Variants in SVOP observed in about 807,000 individuals in gnomAD.
SVOP encodes the protein SV2 related protein.
Under a neutral mutation model 69.1 loss-of-function variants are expected in SVOP, and 17 were observed. That is an observed-to-expected ratio of 0.25 (90% CI 0.17 to 0.37). The LOEUF (loss-of-function observed/expected upper bound fraction) is 0.37, where lower values mean the gene tolerates loss of function less well. SVOP is among the 10% of genes least tolerant of loss of function. The pLI is 1.00. For synonymous variants in SVOP, 238 were observed against 238.6 expected (o/e 1.00, Z 0.02); for missense variants, 435 against 597.5 (o/e 0.73, Z 2.84).
chr12:108,981,675 G>A (rs2040135813), intron 2 of SVOP, among the ~76,000 whole-genome samples: 1 of 152,132 alleles, frequency 6.6e-6, no homozygotes, highest in Non-Finnish European at 1.5e-5. Flanking sequence ...CTGCAAAATG[G>A]GGAAGATGTT....
intron 7 of SVOP, 33 bp from the exon 8 acceptor site, chr12:108,940,942 G>A (rs142587680): frequency 0.02 from 30,716 of 1,533,346 alleles, 352 homozygotes; most frequent in Middle Eastern, 0.05. Context: ...AGTGGTGGGG[G>A]TAGCATGGTC....
rs746451364 is a variant in SVOP, at chr12:108,938,952, G to A, written c.772C>T (p.Leu258=). The A allele has an allele frequency of 6.2e-7, 1 of 1,613,968 alleles. No individual in the cohort carries two copies. Among genetic ancestry groups the A allele is most frequent in the South Asian group, 1.1e-5 (1 of 91,088 alleles). The change falls in exon 9 of 16, where the codon CTG becomes TTG. Residue 258 remains leucine, a synonymous_variant. Coordinates refer to ENST00000610966, the MANE Select transcript of SVOP (RefSeq NM_018711.5). Reference sequence around the variant, plus strand: ...ACATCATACCTTGCACTTTCAGGCAGCCACTGGGATGGGGGAGACAGGAAA... The same window carrying A: ...ACATCATACCTTGCACTTTCAGGCAACCACTGGGATGGGGGAGACAGGAAA... ...LLLFAVLCFW[L]PESARYDVLS... is the part of the protein sequence containing the mutation.
chr12:108,913,001 G>T (rs2039694146), intron 15 of SVOP, among the ~76,000 whole-genome samples: 2 of 152,078 alleles, frequency 1.3e-5, no homozygotes, highest in South Asian at 4.1e-4. Flanking sequence ...TGTACAGCCT[G>T]CAGAATCGTG....
Position 108,988,770 on chromosome 12 carries a change from C to CTTTTTTTTTTTTT in SVOP, c.36-5022_36-5010dup, listed in dbSNP as rs758822738. Among the ~76,000 whole-genome samples the CTTTTTTTTTTTTT allele has an allele frequency of 4.3e-5, 4 of 92,182 alleles. 1 individual carries two copies. The highest frequency in any genetic ancestry group is 6.1e-5 in the Non-Finnish European group (3 of 48,996). The allele number at this position is 92,182 out of a possible 152,430, so 60.5% of individuals were successfully genotyped here. ...TCTTCCTTTCTTACTTCTTTTCTCTCTTTTTTTTTTTTTTTTTTTTGAGAC... is the reference window on the plus strand; with the variant it reads ...TCTTCCTTTCTTACTTCTTTTCTCTCTTTTTTTTTTTTTTTTTTTTTTTTTTTTTTTTTGAGAC... On this transcript the variant is annotated intron_variant, in intron 1 of 15. Coordinates refer to ENST00000610966, the MANE Select transcript of SVOP (RefSeq NM_018711.5).
chr12:108,993,864 G>A (rs561258366), intron 1 of SVOP, among the ~76,000 whole-genome samples: 1 of 152,278 alleles, frequency 6.6e-6, no homozygotes, highest in South Asian at 2.1e-4. Flanking sequence ...CAGGAAGGAA[G>A]GACATGAACG....
At chr12:109,003,131 C>A (rs964241456) in intron 1 of SVOP, among the ~76,000 whole-genome samples, 22 of 152,190 alleles carry the variant, frequency 1.4e-4, no homozygotes, top group African/African-American at 4.8e-4. Context: ...AAATACTGTT[C>A]TAGAGGAGTT....
At chr12:108,912,817 G>A (rs1306954963) in intron 15 of SVOP, 76 bp from the exon 16 acceptor site, 1 of 1,402,992 alleles carries the variant, frequency 7.1e-7, no homozygotes, top group Non-Finnish European at 9.8e-7. Flanking sequence ...AATAGTATTA[G>A]TAACATCAGG....
At chr12:108,937,024 T>C (rs2137403133) in intron 10 of SVOP, 1 of 494,612 alleles carries the variant, frequency 2.0e-6, no homozygotes, top group East Asian at 3.6e-5. Flanking sequence ...AGAGCGCCAC[T>C]GCACTCCAGC....
At chr12:108,970,742 C>A (rs1290802480) in intron 5 of SVOP, among the ~76,000 whole-genome samples, 2 of 152,204 alleles carry the variant, frequency 1.3e-5, no homozygotes, top group African/African-American at 2.4e-5. Context: ...GAGATTCACA[C>A]AGTGGCTCAC....
At chr12:108,984,474 T>C (rs2040157212) in intron 1 of SVOP, among the ~76,000 whole-genome samples, 1 of 152,154 alleles carries the variant, frequency 6.6e-6, no homozygotes, top group South Asian at 2.1e-4. Flanking sequence ...ACCCCTGTTT[T>C]AGATGGGTCA....
At position 108,908,613 on chromosome 12, in the gene SVOP, C is replaced by T. The variant is rs1217104342; in HGVS notation, c.*3922G>A. ...ACTGATTTACATGCCCTGAATTTCC[C>T]CTGTAGGAAATTAACTACCGATCCC... On this transcript the variant is annotated 3_prime_UTR_variant, in exon 16 of 16. Transcript: ENST00000610966. 4 of 152,104 alleles carry T rather than the reference C, an allele frequency of 2.6e-5. No homozygotes were observed. 9.4% of individuals were successfully genotyped at this position (152,104 alleles called of 1,614,324 possible).
At chr12:108,951,216 T>C (rs2039951946) in intron 6 of SVOP, among the ~76,000 whole-genome samples, 1 of 152,190 alleles carries the variant, frequency 6.6e-6, no homozygotes, top group Non-Finnish European at 1.5e-5. Flanking sequence ...CCTGAGGTAC[T>C]GTCTTTAAGA....
intron 1 of SVOP, among the ~76,000 whole-genome samples, chr12:108,996,446 T>C (rs2040232555): frequency 6.6e-6 from 1 of 152,052 alleles, no homozygotes; most frequent in South Asian, 2.1e-4. Context: ...TAATCCCAGC[T>C]ATTCAGGAGG....
At chr12:108,978,535 G>A in intron 3 of SVOP, 43 bp downstream of exon 3, 1 of 701,438 alleles carries the variant, frequency 1.4e-6, no homozygotes, top group Non-Finnish European at 2.6e-6. Context: ...AGCAGCATGG[G>A]GGTTTCTTGG....
At chr12:108,922,415 C>T (rs1160441064) in intron 12 of SVOP, among the ~76,000 whole-genome samples, 1 of 152,164 alleles carries the variant, frequency 6.6e-6, no homozygotes, top group Non-Finnish European at 1.5e-5. Flanking sequence ...ACTCAAGCTG[C>T]TTGCTATAAT....
intron 10 of SVOP, among the ~76,000 whole-genome samples, chr12:108,935,830 C>T (rs566178267): frequency 3.9e-4 from 59 of 152,152 alleles, no homozygotes; most frequent in Middle Eastern, 3.4e-3. Context: ...AATACCACCC[C>T]CAACCCACAC....
chr12:109,002,964 A>C (rs1341647850), intron 1 of SVOP, among the ~76,000 whole-genome samples: 1 of 145,856 alleles, frequency 6.9e-6, no homozygotes, highest in Non-Finnish European at 1.5e-5. Context: ...ATAATAAAAA[A>C]AATTAAAAAA....
Position 108,956,301 on chromosome 12 carries a change from CA to C in SVOP, c.578+4621del, listed in dbSNP as rs36126786. On this transcript the variant is annotated intron_variant, in intron 6 of 15. Coordinates refer to ENST00000610966, the MANE Select transcript of SVOP (RefSeq NM_018711.5). Reference sequence around the variant, plus strand: ...TGGGCGACAGAGCGAGATTCCGTCTCAAAAAAAAAAAAAAAGAATTAGCATT... The same window carrying C: ...TGGGCGACAGAGCGAGATTCCGTCTCAAAAAAAAAAAAAAGAATTAGCATT... 7.9e-4 allele frequency among the ~76,000 whole-genome samples: 109 copies of C among 138,034 alleles called. 1 individual carries two copies. Among genetic ancestry groups the C allele is most frequent in the Non-Finnish European group, 6.3e-4 (41 of 64,586 alleles). The allele number at this position is 138,034 out of a possible 152,430, so 90.6% of individuals were successfully genotyped here.
intron 1 of SVOP, among the ~76,000 whole-genome samples, chr12:108,999,389 A>G (rs1227372542): frequency 1.3e-5 from 2 of 151,050 alleles, no homozygotes; most frequent in African/African-American, 2.4e-5. Flanking sequence ...CACTGTCAAC[A>G]TTAGACAGAT....
Sources: gnomAD v4.1 joint callset for allele counts (sites outside exome capture counted in the v4.1 genomes callset) on GRCh38, gnomAD v4.1.1 for gene constraint, MANE v1.5 for transcripts, NCBI Gene and HGNC (gene_info 2026-07-23, HGNC 2026-07-21) for gene names.